Variants in ST6GALNAC3 observed in about 807,000 individuals in gnomAD.
ST6GALNAC3 encodes the protein ST6 N-acetylgalactosaminide alpha-2,6-sialyltransferase 3, also known as alpha-N-acetylgalactosaminide alpha-2,6-sialyltransferase 3.
A neutral mutation model predicts 32.7 loss-of-function variants in ST6GALNAC3; 25 were observed. That is an observed-to-expected ratio of 0.76 (90% CI 0.56 to 1.07). The LOEUF is 1.07. Among genes scored for constraint, ST6GALNAC3 ranks in the 50% least tolerant of loss-of-function variants. The probability of loss-of-function intolerance (pLI) is 0.00; values close to 1 mark genes in which losing one functional copy is unlikely to be tolerated. For synonymous variants in ST6GALNAC3, 129 were observed against 133.1 expected, an observed-to-expected ratio of 0.97 and a Z score of 0.21; for missense variants, 355 against 382.4, an observed-to-expected ratio of 0.93 and a Z score of 0.60.
chr1:76,465,961 T>C (rs1353481689), intron 3 of ST6GALNAC3, among the ~76,000 whole-genome samples: 3 of 152,132 alleles, frequency 2.0e-5, no homozygotes, highest in Admixed American at 2.0e-4. Flanking sequence ...CAATTTTTCA[T>C]CGCAAGTTAA....
chr1:76,194,435 T>C (rs1654080416), intron 1 of ST6GALNAC3, among the ~76,000 whole-genome samples: 1 of 152,126 alleles, frequency 6.6e-6, no homozygotes, highest in South Asian at 2.1e-4. Context: ...TATTTATAGA[T>C]AGCATTAGAA....
At chr1:76,414,476 T>A (rs1205500720) in intron 3 of ST6GALNAC3, among the ~76,000 whole-genome samples, 1 of 152,100 alleles carries the variant, frequency 6.6e-6, no homozygotes, top group Non-Finnish European at 1.5e-5. Context: ...GTTCCCAATC[T>A]ATATCCTAAC....
At chr1:76,489,613 T>C (rs1473040341) in intron 3 of ST6GALNAC3, among the ~76,000 whole-genome samples, 2 of 152,166 alleles carry the variant, frequency 1.3e-5, no homozygotes, top group African/African-American at 4.8e-5. Flanking sequence ...TGCAGTTCCA[T>C]GGAATAATCA....
chr1:76,496,841 G>A (rs555117865), intron 3 of ST6GALNAC3, among the ~76,000 whole-genome samples: 1 of 152,266 alleles, frequency 6.6e-6, no homozygotes, highest in South Asian at 2.1e-4. Flanking sequence ...TTAGGTAAAT[G>A]AGAAACAAAT....
At chr1:76,293,988 C>T (rs959989580) in intron 1 of ST6GALNAC3, among the ~76,000 whole-genome samples, 2 of 152,114 alleles carry the variant, frequency 1.3e-5, no homozygotes, top group Non-Finnish European at 2.9e-5. Flanking sequence ...GTCATTTATA[C>T]AAAACCGTTT....
At chr1:76,589,779 A>T (rs1423893799) in intron 3 of ST6GALNAC3, among the ~76,000 whole-genome samples, 3 of 151,590 alleles carry the variant, frequency 2.0e-5, no homozygotes, top group Admixed American at 6.6e-5. Flanking sequence ...CTACAAGCAG[A>T]TGAACTGGGC....
chr1:76,174,680 T>G (rs1652740265), intron 1 of ST6GALNAC3, among the ~76,000 whole-genome samples: 1 of 151,150 alleles, frequency 6.6e-6, no homozygotes, highest in African/African-American at 2.4e-5. Flanking sequence ...TTTTTTCTTT[T>G]TTTTGAGATG....
At chr1:76,418,297 T>C (rs75759128) in intron 3 of ST6GALNAC3, among the ~76,000 whole-genome samples, 5,015 of 152,242 alleles carry the variant, frequency 0.033, 119 homozygotes, top group Middle Eastern at 0.071. Flanking sequence ...TCAAGTCTTC[T>C]TCCTTGAAAA....
intron 2 of ST6GALNAC3, among the ~76,000 whole-genome samples, chr1:76,371,276 T>C (rs1650789889): frequency 6.6e-6 from 1 of 152,168 alleles, no homozygotes. Context: ...AATATATTAT[T>C]TTAATGGCAT....
In ST6GALNAC3 at chr1:76,606,884, G is replaced by T. The variant is rs879131666; in HGVS notation, c.624-20568G>T. Among the ~76,000 whole-genome samples, 4 of 139,186 alleles carry T rather than the reference G, an allele frequency of 2.9e-5. 1 individual carries two copies. The Admixed American group carries it at 3.0e-4, about 10-fold the overall frequency. The allele number at this position is 139,186 out of a possible 152,430, so 91.3% of individuals were successfully genotyped here. A position where few individuals can be genotyped will look rare whatever the true frequency, so the allele number is the denominator to read the frequency against. ...TTTTTTTTTTTTTTTCATGCCGACC[G>T]ATTCTCCAACACCAGCTGGGTCTCC... On this transcript the variant is annotated intron_variant, in intron 3 of 4. Coordinates refer to ENST00000328299, the MANE Select transcript of ST6GALNAC3 (RefSeq NM_152996.4).
chr1:76,074,967 C>T, intron 1 of ST6GALNAC3, 83 bp downstream of exon 1: 1 of 1,504,726 alleles, frequency 6.6e-7, no homozygotes, highest in Non-Finnish European at 9.0e-7. Context: ...GCGGTCCCAC[C>T]GCATCCTCAT....
At chr1:76,536,188 C>G (rs1222255793) in intron 3 of ST6GALNAC3, among the ~76,000 whole-genome samples, 1 of 152,052 alleles carries the variant, frequency 6.6e-6, no homozygotes, top group Non-Finnish European at 1.5e-5. Context: ...TATCTAGTTA[C>G]CAATAACGAC....
chr1:76,629,794 ATATTTG>A lies in ST6GALNAC3; in HGVS notation c.*992_*997del, dbSNP rs1359266171. ...TGTATCCTATCATACTTCATAATAT[ATATTTG>A]TATATTCAAATTTCTATTTTATAGG... On this transcript the variant is annotated 3_prime_UTR_variant, in exon 5 of 5. Transcript: ENST00000328299. 2.1e-6 allele frequency: 2 copies of A among 971,874 alleles called. No homozygotes were observed. Among genetic ancestry groups the A allele is most frequent in the East Asian group, 1.1e-4 (1 of 8,766 alleles). The allele number at this position is 971,874 out of a possible 1,614,324, so 60.2% of individuals were successfully genotyped here.
At chr1:76,507,923 A>G (rs1238476790) in intron 3 of ST6GALNAC3, among the ~76,000 whole-genome samples, 1 of 152,222 alleles carries the variant, frequency 6.6e-6, no homozygotes, top group African/African-American at 2.4e-5. Flanking sequence ...ATTTCTCCAC[A>G]TTCTAACCAA....
intron 3 of ST6GALNAC3, among the ~76,000 whole-genome samples, chr1:76,526,147 T>C (rs1187361697): frequency 6.6e-6 from 1 of 151,856 alleles, no homozygotes; most frequent in East Asian, 1.9e-4. Context: ...CCTTTGCCTA[T>C]CTCTCCAGGA....
intron 3 of ST6GALNAC3, among the ~76,000 whole-genome samples, chr1:76,620,653 C>T: frequency 6.6e-6 from 1 of 152,048 alleles, no homozygotes. Flanking sequence ...GTAATCTCAT[C>T]ATATGACAAC....
intron 2 of ST6GALNAC3, among the ~76,000 whole-genome samples, chr1:76,369,763 A>C (rs2101075967): frequency 6.6e-6 from 1 of 152,312 alleles, no homozygotes; most frequent in South Asian, 2.1e-4. Flanking sequence ...CTTATGGTAC[A>C]GACTGAGACT....
intron 1 of ST6GALNAC3, among the ~76,000 whole-genome samples, chr1:76,103,521 G>T (rs535772367): frequency 6.6e-6 from 1 of 151,764 alleles, no homozygotes; most frequent in African/African-American, 2.4e-5. Context: ...ATTTTCATTC[G>T]ACTCTCTCTG....
chr1:76,502,270 C>T (rs921819750), intron 3 of ST6GALNAC3, among the ~76,000 whole-genome samples: 7 of 152,294 alleles, frequency 4.6e-5, no homozygotes, highest in African/African-American at 1.4e-4. Flanking sequence ...GAAAAAGCAG[C>T]CAACAACTTC....
Sources: gnomAD v4.1 joint callset for allele counts (sites outside exome capture counted in the v4.1 genomes callset) on GRCh38, gnomAD v4.1.1 for gene constraint, MANE v1.5 for transcripts, NCBI Gene and HGNC (gene_info 2026-07-23, HGNC 2026-07-21) for gene names.